RTL4: variants seen among roughly 807,000 people sequenced by gnomAD.
RTL4 encodes the protein retrotransposon Gag-like protein 4.
Under a neutral mutation model 5.3 loss-of-function variants are expected in RTL4, and 4 were observed. That is an observed-to-expected ratio of 0.75 (90% CI 0.37 to 1.72). The LOEUF (loss-of-function observed/expected upper bound fraction) is 1.72. RTL4 is among the 40% of genes most tolerant of loss of function. RTL4 has a pLI of 0.04. For synonymous variants in RTL4, 98 were observed against 87.3 expected (o/e 1.12, Z -0.68); for missense variants, 260 against 227.1 (o/e 1.14, Z -0.93).
chrX:112,117,090 T>C, the RTL4 span, among the ~76,000 whole-genome samples: 2 of 111,069 alleles, frequency 1.8e-5, no homozygotes, highest in African/African-American at 3.3e-5. Flanking sequence ...AAGCATATGT[T>C]AAAAAGCAAA....
the RTL4 span, among the ~76,000 whole-genome samples, chrX:112,386,748 C>T: frequency 8.9e-6 from 1 of 112,017 alleles, no homozygotes; most frequent in Admixed American, 9.5e-5. Context: ...TCTTTATCCA[C>T]TCATTGAATG....
chrX:112,439,944 C>G, the RTL4 span, among the ~76,000 whole-genome samples: 4 of 111,349 alleles, frequency 3.6e-5, no homozygotes, highest in Admixed American at 9.6e-5. Flanking sequence ...TAGAAATTAC[C>G]CAGCCCGAGG....
the RTL4 span, among the ~76,000 whole-genome samples, chrX:112,407,464 G>A: frequency 4.5e-5 from 5 of 111,774 alleles, no homozygotes; most frequent in African/African-American, 1.6e-4. Flanking sequence ...CTTGTAGTTC[G>A]AGTGCCACTT....
At chrX:112,356,579 GGTGTGTGTGTGTGT>G in the RTL4 span, among the ~76,000 whole-genome samples, 5 of 99,436 alleles carry the variant, frequency 5.0e-5, no homozygotes, top group East Asian at 3.2e-4. Context: ...TTTGTTTTGG[GGTGTGTGTGTGTGT>G]GTGTGTGTGT....
At chrX:112,168,943 C>CTTTCTTTCTTTCTTTCTTTCTT in the RTL4 span, among the ~76,000 whole-genome samples, 1 of 12,897 alleles carries the variant, frequency 7.8e-5, no homozygotes, top group African/African-American at 1.7e-4. Flanking sequence ...CTTTCTTTTT[C>CTTTCTTTCTTTCTTTCTTTCTT]TTTCTTTCTT....
the RTL4 span, among the ~76,000 whole-genome samples, chrX:112,249,535 A>G: frequency 9.0e-6 from 1 of 111,180 alleles, no homozygotes; most frequent in Non-Finnish European, 1.9e-5. Flanking sequence ...CTCCCAAATC[A>G]GCATGGGCCT....
At chrX:112,173,163 T>C in the RTL4 span, among the ~76,000 whole-genome samples, 2 of 110,705 alleles carry the variant, frequency 1.8e-5, no homozygotes, top group East Asian at 5.7e-4. Flanking sequence ...AACTTAAAAG[T>C]TGATGAAAAA....
At chrX:112,190,204 C>CT in the RTL4 span, among the ~76,000 whole-genome samples, 3 of 63,002 alleles carry the variant, frequency 4.8e-5, no homozygotes, top group Non-Finnish European at 9.2e-5. Context: ...TTCTTTCTTT[C>CT]TTTTTTCTAT....
the RTL4 span, among the ~76,000 whole-genome samples, chrX:112,347,698 A>G: frequency 5.4e-5 from 6 of 111,659 alleles, no homozygotes; most frequent in Non-Finnish European, 7.5e-5. Context: ...TTTGTGCTAT[A>G]TAACTGAGTG....
At chrX:112,348,756 A>G in the RTL4 span, among the ~76,000 whole-genome samples, 1 of 110,139 alleles carries the variant, frequency 9.1e-6, no homozygotes, top group East Asian at 2.9e-4. Flanking sequence ...GATCATGGAA[A>G]GAAACAAGGA....
the RTL4 span, among the ~76,000 whole-genome samples, chrX:112,417,952 A>G: frequency 2.7e-5 from 3 of 111,509 alleles, no homozygotes; most frequent in African/African-American, 9.8e-5. Flanking sequence ...GATTGAGACC[A>G]GCCATGTTAA....
chrX:112,189,488 G>A, the RTL4 span, among the ~76,000 whole-genome samples: 2 of 111,570 alleles, frequency 1.8e-5, no homozygotes, highest in East Asian at 2.8e-4. Context: ...ACAGTTATGA[G>A]CAGATGAACT....
the RTL4 span, among the ~76,000 whole-genome samples, chrX:112,106,496 A>G: frequency 1.8e-5 from 2 of 112,117 alleles, no homozygotes; most frequent in Non-Finnish European, 3.8e-5. Flanking sequence ...AAGTGCAGAT[A>G]TCTCTTCAAT....
At chrX:112,206,825 C>A in the RTL4 span, among the ~76,000 whole-genome samples, 1 of 111,835 alleles carries the variant, frequency 8.9e-6, no homozygotes, top group East Asian at 2.8e-4. Flanking sequence ...ATTCTGACCC[C>A]TACTCCTCCC....
chrX:112,083,820 C>G, the RTL4 span, among the ~76,000 whole-genome samples: 45 of 111,367 alleles, frequency 4.0e-4, 1 homozygote, highest in East Asian at 0.012. Flanking sequence ...CTAAATAGCC[C>G]CACCCCCACC....
At chrX:112,387,357 C>CT in the RTL4 span, among the ~76,000 whole-genome samples, 27,201 of 94,542 alleles carry the variant, frequency 0.29, 4,356 homozygotes, top group African/African-American at 0.54. Context: ...ACCTATTTAT[C>CT]TTTTTTTTTT....
At chrX:112,252,974 C>T in the RTL4 span, among the ~76,000 whole-genome samples, 1 of 111,586 alleles carries the variant, frequency 9.0e-6, no homozygotes, top group Non-Finnish European at 1.9e-5. Flanking sequence ...TAAATGTAAT[C>T]TTCTGGATTT....
At chrX:112,222,295 A>G in the RTL4 span, among the ~76,000 whole-genome samples, 1 of 111,460 alleles carries the variant, frequency 9.0e-6, no homozygotes, top group Non-Finnish European at 1.9e-5. Flanking sequence ...TCTTCATGCA[A>G]TGGGGGACAG....
the RTL4 span, among the ~76,000 whole-genome samples, chrX:112,421,364 A>G: frequency 8.9e-6 from 1 of 111,988 alleles, no homozygotes; most frequent in Admixed American, 9.5e-5. Context: ...GAATCTAAAT[A>G]AACAGAATTT....
Sources: allele counts gnomAD v4.1 joint callset (sites outside exome capture counted in the v4.1 genomes callset), GRCh38; gene constraint gnomAD v4.1.1; transcripts MANE v1.5; gene names NCBI Gene and HGNC (gene_info 2026-07-23, HGNC 2026-07-21).